Variants in ANKRD45 observed in about 807,000 individuals in gnomAD.
The protein encoded by ANKRD45 is ankyrin repeat domain 45.
ANKRD45 carries 21 observed loss-of-function variants against 28.1 expected under a neutral mutation model. That is an observed-to-expected ratio of 0.75 (90% CI 0.53 to 1.08). ANKRD45 has a LOEUF of 1.08. ANKRD45 is among the 50% of genes least tolerant of loss of function. ANKRD45 has a pLI of 0.00. For missense variants in ANKRD45, 261 were observed against 308.7 expected, an observed-to-expected ratio of 0.85 and a Z score of 1.16; for synonymous variants, 86 against 103.9, an observed-to-expected ratio of 0.83 and a Z score of 1.05.
chr1:173,613,003 C>A (rs546784738), intron 5 of ANKRD45, among the ~76,000 whole-genome samples: 1 of 152,094 alleles, frequency 6.6e-6, no homozygotes, highest in African/African-American at 2.4e-5. Context: ...AGCCTCTGCC[C>A]GGCCGCCACC....
intron 2 of ANKRD45, chr1:173,658,168 A>G: frequency 5.9e-6 from 1 of 170,044 alleles, no homozygotes; most frequent in Non-Finnish European, 1.3e-5. Context: ...ACCAAAAAAT[A>G]CAAAAATTAG....
At position 173,620,899 on chromosome 1, in the gene ANKRD45, T is replaced by C. The variant is rs183369597; in HGVS notation, c.730+3888A>G. ...GTTTTTTGGAAAAAAATTAATAAAATAGATAGACCACTAGCCAAATTAATA... is the reference window on the plus strand; with the variant it reads ...GTTTTTTGGAAAAAAATTAATAAAACAGATAGACCACTAGCCAAATTAATA... On this transcript the variant is annotated intron_variant, in intron 5 of 5. Transcript: ENST00000333279. Among the ~76,000 whole-genome samples, 47 of 152,008 alleles carry C rather than the reference T, an allele frequency of 3.1e-4. No individual in the cohort carries two copies. In the East Asian group the frequency reaches 8.7e-3, roughly 28 times the overall value.
chr1:173,693,159 G>C, the ANKRD45 span, among the ~76,000 whole-genome samples: 1 of 151,988 alleles, frequency 6.6e-6, no homozygotes, highest in African/African-American at 2.4e-5. Flanking sequence ...AATTAGCCAG[G>C]CATGGTGGCA....
intron 2 of ANKRD45, among the ~76,000 whole-genome samples, chr1:173,655,102 A>G (rs924584852): frequency 1.3e-5 from 2 of 152,102 alleles, no homozygotes; most frequent in Non-Finnish European, 2.9e-5. Flanking sequence ...ACTTCTGTCA[A>G]CTCATCAAAG....
chr1:173,701,666 T>C, the ANKRD45 span, among the ~76,000 whole-genome samples: 1 of 152,068 alleles, frequency 6.6e-6, no homozygotes. Context: ...CCGGGGCCTG[T>C]CGTGAGGTCG....
the ANKRD45 span, among the ~76,000 whole-genome samples, chr1:173,696,372 C>T: frequency 6.6e-6 from 1 of 152,188 alleles, no homozygotes; most frequent in East Asian, 1.9e-4. Context: ...TCCAGAATGA[C>T]ATTTCCTTTC....
At chr1:173,636,928 A>T in intron 3 of ANKRD45, 1 of 1,535,806 alleles carries the variant, frequency 6.5e-7, no homozygotes, top group Non-Finnish European at 8.7e-7. Flanking sequence ...CCACAGCATC[A>T]GTGATATACA....
At chr1:173,643,116 T>C (rs951948453) in intron 3 of ANKRD45, among the ~76,000 whole-genome samples, 2 of 152,142 alleles carry the variant, frequency 1.3e-5, no homozygotes, top group South Asian at 2.1e-4. Context: ...CTTAATTTAG[T>C]GTTTCAATAC....
the ANKRD45 span, among the ~76,000 whole-genome samples, chr1:173,693,190 C>T: frequency 6.6e-6 from 1 of 152,000 alleles, no homozygotes; most frequent in Middle Eastern, 3.4e-3. Context: ...ATCTCAGCTA[C>T]TTGGGAGGCT....
rs541384326 is a variant in ANKRD45, at chr1:173,626,878, G to A, written c.591+187C>T. On this transcript the variant is annotated intron_variant, in intron 4 of 5. Transcript: ENST00000333279. ...CTTTAATACTATTTATTTTAGTTTTGATCAGACTATCCTCTATTAGAAGTT... is the reference window on the plus strand; with the variant it reads ...CTTTAATACTATTTATTTTAGTTTTAATCAGACTATCCTCTATTAGAAGTT... Among the ~76,000 whole-genome samples, 6 of 151,876 alleles carry A rather than the reference G, an allele frequency of 4.0e-5. No individual in the cohort carries two copies. In the East Asian group the frequency reaches 1.2e-3, roughly 29 times the overall value.
At chr1:173,673,215 A>G (rs1177689710), upstream of ANKRD45, among the ~76,000 whole-genome samples, 1 of 149,436 alleles carries the variant, frequency 6.7e-6, no homozygotes, top group East Asian at 2.0e-4. Flanking sequence ...GGTTCAAGTG[A>G]TTCTCCGGCC....
chr1:173,621,778 T>C (rs1477922741), intron 5 of ANKRD45, among the ~76,000 whole-genome samples: 6 of 152,170 alleles, frequency 3.9e-5, no homozygotes, highest in African/African-American at 7.2e-5. Flanking sequence ...ACCATGCCTA[T>C]TCGACATAGT....
intron 2 of ANKRD45, chr1:173,657,786 A>G (rs1669611143): frequency 6.7e-6 from 1 of 149,378 alleles, no homozygotes; most frequent in Non-Finnish European, 1.5e-5. Flanking sequence ...TTTATTTTCA[A>G]TGTCATTAAT....
At chr1:173,623,873 A>C (rs887166917) in intron 5 of ANKRD45, among the ~76,000 whole-genome samples, 3 of 147,878 alleles carry the variant, frequency 2.0e-5, no homozygotes, top group East Asian at 4.1e-4. Context: ...AAAACCAAAC[A>C]CTGTATGTTC....
upstream of ANKRD45, among the ~76,000 whole-genome samples, chr1:173,670,759 C>T (rs915450979): frequency 6.6e-6 from 1 of 152,108 alleles, no homozygotes; most frequent in Non-Finnish European, 1.5e-5. Context: ...GCAGCCAATG[C>T]CAGGAAAAGG....
chr1:173,618,108 T>G (rs1011395651), intron 5 of ANKRD45, among the ~76,000 whole-genome samples: 3 of 151,770 alleles, frequency 2.0e-5, no homozygotes, highest in Non-Finnish European at 4.4e-5. Flanking sequence ...AGCAGCAGCA[T>G]CAACAAAAAA....
chr1:173,690,870 G>T, the ANKRD45 span, among the ~76,000 whole-genome samples: 4 of 152,098 alleles, frequency 2.6e-5, no homozygotes, highest in Non-Finnish European at 5.9e-5. Flanking sequence ...ACCTTTTGGG[G>T]TAAGCCTCAA....
At chr1:173,711,458 C>A in the ANKRD45 span, among the ~76,000 whole-genome samples, 1 of 152,194 alleles carries the variant, frequency 6.6e-6, no homozygotes, top group Non-Finnish European at 1.5e-5. Flanking sequence ...AGATAAGAGA[C>A]AAATTGTTGC....
chr1:173,668,888 A>G (rs1365152463), intron 1 of ANKRD45, among the ~76,000 whole-genome samples: 2 of 152,262 alleles, frequency 1.3e-5, no homozygotes, highest in African/African-American at 4.8e-5. Flanking sequence ...CTATGAAGGC[A>G]GAATGGCATT....
Sources: gnomAD v4.1 joint callset for allele counts (sites outside exome capture counted in the v4.1 genomes callset) on GRCh38, gnomAD v4.1.1 for gene constraint, MANE v1.5 for transcripts, NCBI Gene and HGNC (gene_info 2026-07-23, HGNC 2026-07-21) for gene names.